MECOM: variants seen among roughly 807,000 people sequenced by gnomAD.
The protein encoded by MECOM is MDS1 and EVI1 complex locus.
MECOM carries 13 observed loss-of-function variants against 116.3 expected under a neutral mutation model. The ratio of observed to expected loss-of-function variants is 0.11; its 90% CI spans 0.07 to 0.18. MECOM has a LOEUF of 0.18. MECOM is among the 10% of genes least tolerant of loss of function. MECOM has a pLI of 1.00. For missense variants in MECOM, 1,299 were observed against 1,509.0 expected (o/e 0.86, Z 2.31); for synonymous variants, 528 against 535.2 (o/e 0.99, Z 0.19).
At chr3:169,164,662 A>AT (rs960281914) in intron 2 of MECOM, among the ~76,000 whole-genome samples, 54 of 152,014 alleles carry the variant, frequency 3.6e-4, no homozygotes, top group African/African-American at 8.9e-4. Context: ...AGGCAAAATA[A>AT]TTTTTTTTGT....
intron 1 of MECOM, among the ~76,000 whole-genome samples, chr3:169,604,683 G>A (rs957589809): frequency 1.3e-5 from 2 of 152,184 alleles, no homozygotes; most frequent in Non-Finnish European, 1.5e-5. Context: ...CCAAGAGGCA[G>A]TCTCCCAGAA....
rs917209481 is a variant in MECOM, at chr3:169,084,795, T to C, written c.*114A>G. The C allele has an allele frequency of 1.8e-6, 2 of 1,124,098 alleles. No individual in the cohort carries two copies. The highest frequency in any genetic ancestry group is 3.1e-5 in the African/African-American group (2 of 64,554). The allele number at this position is 1,124,098 out of a possible 1,614,324, so 69.6% of individuals were successfully genotyped here. A position where few individuals can be genotyped will look rare whatever the true frequency, so the allele number is the denominator to read the frequency against. ...CAGTTTAAGGTCACTAGACTTTAGA[T>C]GAGTGACCCTGCAGGTTTATAAGGC... On this transcript the variant is annotated 3_prime_UTR_variant, in exon 17 of 17. Coordinates refer to ENST00000651503, the MANE Select transcript of MECOM (RefSeq NM_004991.4).
intron 1 of MECOM, among the ~76,000 whole-genome samples, chr3:169,477,602 C>T (rs1750686481): frequency 6.6e-6 from 1 of 152,208 alleles, no homozygotes; most frequent in South Asian, 2.1e-4. Flanking sequence ...CCTGGAGCTG[C>T]AGTCAGCTGT....
rs925392533 is a variant in MECOM, at chr3:169,441,620, C to T, written c.38-60096G>A. On this transcript the variant is annotated intron_variant, in intron 1 of 16. Coordinates refer to ENST00000651503, the MANE Select transcript of MECOM (RefSeq NM_004991.4). ...GCATGTAGAAAGACTTTAGTTGCTA[C>T]AATGGACTTGTCTGCAATTATGTCA... is the stretch of plus-strand genomic sequence containing the variant. Among the ~76,000 whole-genome samples the T allele has an allele frequency of 2.8e-4, 43 of 151,754 alleles. 1 individual carries two copies. The highest frequency in any genetic ancestry group is 2.3e-3 in the Admixed American group (35 of 15,188).
intron 1 of MECOM, among the ~76,000 whole-genome samples, chr3:169,438,335 A>G (rs1466155742): frequency 6.6e-6 from 1 of 152,136 alleles, no homozygotes; most frequent in Non-Finnish European, 1.5e-5. Flanking sequence ...AACATTCTTA[A>G]TTGCACCAGC....
At chr3:169,112,588 A>G (rs1171972221) in intron 9 of MECOM, among the ~76,000 whole-genome samples, 199 bp downstream of exon 9, 1 of 152,174 alleles carries the variant, frequency 6.6e-6, no homozygotes, top group African/African-American at 2.4e-5. Context: ...CACTGAAATC[A>G]TGTTATTTTT....
At chr3:169,093,160 T>G (rs995597783) in intron 13 of MECOM, 58 bp from the exon 14 acceptor site, 2 of 1,510,790 alleles carry the variant, frequency 1.3e-6, no homozygotes, top group Non-Finnish European at 1.8e-6. Context: ...GCAACTTATT[T>G]GGAAACTCAC....
At chr3:169,491,485 T>C (rs1333070789) in intron 1 of MECOM, among the ~76,000 whole-genome samples, 3 of 152,174 alleles carry the variant, frequency 2.0e-5, no homozygotes, top group Non-Finnish European at 2.9e-5. Context: ...AAAGGCACTA[T>C]AAAACAGAAA....
At chr3:169,363,118 T>C (rs1053934833) in intron 2 of MECOM, among the ~76,000 whole-genome samples, 2 of 152,018 alleles carry the variant, frequency 1.3e-5, no homozygotes, top group South Asian at 2.1e-4. Flanking sequence ...CATATTAATA[T>C]TCTCTAAGGT....
chr3:169,225,940 C>T (rs13070821), intron 2 of MECOM, among the ~76,000 whole-genome samples: 14,760 of 152,226 alleles, frequency 0.097, 948 homozygotes, highest in Non-Finnish European at 0.14. Flanking sequence ...CAGACTGGTG[C>T]GGGAAATAAG....
intron 1 of MECOM, among the ~76,000 whole-genome samples, chr3:169,593,590 C>T (rs1274518240): frequency 6.6e-6 from 1 of 152,108 alleles, no homozygotes; most frequent in Non-Finnish European, 1.5e-5. Flanking sequence ...TCTGAATCTC[C>T]AGGTAAGGTC....
chr3:169,517,865 GAGAAAT>G lies in MECOM; in HGVS notation c.38-136347_38-136342del, dbSNP rs1203351771. ...AAAAGAGAGAAAAAATAAGTAAATC[GAGAAAT>G]AGCATTTGCACTCAAGGAATTTACA... On this transcript the variant is annotated intron_variant, in intron 1 of 16. Coordinates refer to ENST00000651503, the MANE Select transcript of MECOM (RefSeq NM_004991.4). 1.2e-4 allele frequency among the ~76,000 whole-genome samples: 18 copies of G among 152,288 alleles called. No individual in the cohort carries two copies. The East Asian group carries it at 3.5e-3, about 29-fold the overall frequency.
At chr3:169,398,732 A>G (rs1289599911) in intron 1 of MECOM, among the ~76,000 whole-genome samples, 2 of 152,172 alleles carry the variant, frequency 1.3e-5, no homozygotes, top group Non-Finnish European at 2.9e-5. Flanking sequence ...AGCAAGACCA[A>G]CAATACTCCT....
At chr3:169,193,760 T>C (rs1577312050) in intron 2 of MECOM, among the ~76,000 whole-genome samples, 1 of 152,144 alleles carries the variant, frequency 6.6e-6, no homozygotes, top group East Asian at 1.9e-4. Context: ...GTTTTGATTT[T>C]AGAAATTAAA....
chr3:169,214,505 T>C (rs942801168), intron 2 of MECOM, among the ~76,000 whole-genome samples: 2 of 151,694 alleles, frequency 1.3e-5, no homozygotes, highest in Non-Finnish European at 2.9e-5. Context: ...TTTTCAGTTA[T>C]AGCTTTCAGA....
intron 1 of MECOM, among the ~76,000 whole-genome samples, chr3:169,428,903 G>A (rs890776356): frequency 3.9e-5 from 6 of 152,042 alleles, no homozygotes; most frequent in African/African-American, 1.4e-4. Flanking sequence ...ATAAAAGAAA[G>A]GTGCAAAGAA....
At chr3:169,255,295 C>G (rs1756734337) in intron 2 of MECOM, among the ~76,000 whole-genome samples, 1 of 151,950 alleles carries the variant, frequency 6.6e-6, no homozygotes. Context: ...AAATCAGGAG[C>G]CTATGCAGTC....
intron 1 of MECOM, among the ~76,000 whole-genome samples, chr3:169,626,166 T>G (rs1771344320): frequency 6.6e-6 from 1 of 152,250 alleles, no homozygotes; most frequent in Admixed American, 6.5e-5. Flanking sequence ...GACATAGGAC[T>G]GGTGTGTTTA....
intron 9 of MECOM, among the ~76,000 whole-genome samples, chr3:169,109,571 C>T (rs961472457): frequency 6.6e-5 from 10 of 152,108 alleles, no homozygotes; most frequent in African/African-American, 9.7e-5. Flanking sequence ...TGTGCTACCA[C>T]GCCCGGCTAA....
Sources: gnomAD v4.1 joint callset for allele counts (sites outside exome capture counted in the v4.1 genomes callset) on GRCh38, gnomAD v4.1.1 for gene constraint, MANE v1.5 for transcripts, NCBI Gene and HGNC (gene_info 2026-07-23, HGNC 2026-07-21) for gene names.